Variants in RPS6KA2 observed in about 807,000 individuals in gnomAD.
RPS6KA2 encodes the protein ribosomal protein S6 kinase alpha-2.
A neutral mutation model predicts 91.8 loss-of-function variants in RPS6KA2; 42 were observed. The observed-to-expected ratio is 0.46, with a 90% confidence interval of 0.36 to 0.59. The LOEUF is 0.59. Among genes scored for constraint, RPS6KA2 ranks in the 20% least tolerant of loss-of-function variants. RPS6KA2 has a pLI of 0.00. For synonymous variants in RPS6KA2, 414 were observed against 393.6 expected (o/e 1.05, Z -0.61); for missense variants, 798 against 978.5 (o/e 0.82, Z 2.46).
At chr6:166,725,832 C>T (rs551922524) in intron 2 of RPS6KA2, among the ~76,000 whole-genome samples, 6 of 152,252 alleles carry the variant, frequency 3.9e-5, no homozygotes, top group South Asian at 2.1e-4. Flanking sequence ...AGGCTCCTGG[C>T]GGCGCAGGCC....
intron 2 of RPS6KA2, among the ~76,000 whole-genome samples, chr6:166,754,699 T>C (rs1009564200): frequency 1.3e-4 from 20 of 152,062 alleles, no homozygotes; most frequent in Non-Finnish European, 2.8e-4. Flanking sequence ...CCAGCAAGCC[T>C]CCCCCTGCTC....
At chr6:166,631,291 T>C (rs1582965590), upstream of RPS6KA2, among the ~76,000 whole-genome samples, 1 of 152,194 alleles carries the variant, frequency 6.6e-6, no homozygotes, top group Non-Finnish European at 1.5e-5. Flanking sequence ...GAGAGGCAGG[T>C]GGAAACCCAC....
intron 1 of RPS6KA2, among the ~76,000 whole-genome samples, chr6:166,616,083 G>A (rs970301960): frequency 3.9e-5 from 6 of 152,138 alleles, no homozygotes; most frequent in African/African-American, 1.4e-4. Context: ...GTGCAGGGAC[G>A]CAGCCTCAGT....
chr6:166,442,057 C>T (rs914440922), intron 14 of RPS6KA2, among the ~76,000 whole-genome samples: 8 of 152,346 alleles, frequency 5.3e-5, no homozygotes, highest in African/African-American at 1.9e-4. Flanking sequence ...ACTCATAAGA[C>T]CAGGAGACTC....
chr6:166,854,933 G>A (rs1271238966), intron 2 of RPS6KA2, among the ~76,000 whole-genome samples: 1 of 152,140 alleles, frequency 6.6e-6, no homozygotes, highest in African/African-American at 2.4e-5. Context: ...CATAGCCATG[G>A]AATCAACATA....
intron 1 of RPS6KA2, among the ~76,000 whole-genome samples, chr6:166,551,553 A>C (rs1044138483): frequency 1.3e-5 from 2 of 152,242 alleles, no homozygotes; most frequent in African/African-American, 4.8e-5. Flanking sequence ...ATCATTTAGC[A>C]GTTTCCAAAA....
Position 166,459,499 on chromosome 6 carries a change from G to T in RPS6KA2, c.1025C>A (p.Pro342His), listed in dbSNP as rs1013530441. 1 of 1,614,138 alleles carries T rather than the reference G, an allele frequency of 6.2e-7. No individual in the cohort carries two copies. The highest frequency in any genetic ancestry group is 1.3e-5 in the African/African-American group (1 of 75,036). ...GGGGTCAAAGTGGAAGGTGTCCTCA[G>T]GCCTGCCCACTGCTGGTTTGAACGG... ...KPPFKPAVGRPEDTFHFDPEF... is the reference protein window; with the variant it reads ...KPPFKPAVGRHEDTFHFDPEF... Residue 342 changes from proline to histidine, a missense_variant, in exon 12 of 21, where the codon CCT (proline) becomes CAT (histidine). Transcript: ENST00000265678. This position sits in a 1 kb window ranked among gnomAD's most constrained non-coding sequence, Gnocchi z 4.9.
chr6:166,624,894 C>G (rs893189905), intron 1 of RPS6KA2, among the ~76,000 whole-genome samples: 4 of 151,880 alleles, frequency 2.6e-5, no homozygotes, highest in Non-Finnish European at 5.9e-5. Flanking sequence ...AGTGCAGTGG[C>G]GCAATCTCGG....
intron 2 of RPS6KA2, among the ~76,000 whole-genome samples, chr6:166,803,159 A>C (rs1376765483): frequency 1.3e-5 from 2 of 152,248 alleles, no homozygotes; most frequent in African/African-American, 4.8e-5. Context: ...CTGCACTTTG[A>C]CCAAATACCC....
In RPS6KA2 at chr6:166,691,081, T is replaced by C. The variant is rs1279712135; in HGVS notation, c.124-152297A>G. On this transcript the variant is annotated intron_variant, in intron 2 of 21. Coordinates refer to the RPS6KA2 transcript ENST00000503859. The stretch of plus-strand genomic sequence containing the variant: ...AAAATAGAAAATGAAAAACTGTAGG[T>C]TCTAGAAGATTCAAGCGTTGCCAAC... 2.0e-5 allele frequency among the ~76,000 whole-genome samples: 3 copies of C among 152,248 alleles called. No individual in the cohort carries two copies. In the East Asian group the frequency reaches 5.8e-4, roughly 29 times the overall value.
rs1783386625 is a variant in RPS6KA2, at chr6:166,533,995, G to A, written c.217-2682C>T. ...CCCAGCACTTTGGGAGGCCGAGGCG[G>A]GCGGATCACGAGGTCAGGAGATTGA... On this transcript the variant is annotated intron_variant, in intron 2 of 20. Transcript: ENST00000265678. This position sits in a 1 kb window ranked among gnomAD's most constrained non-coding sequence, Gnocchi z 4.0. 6.6e-6 allele frequency among the ~76,000 whole-genome samples: 1 copy of A among 152,058 alleles called. No individual in the cohort carries two copies.
intron 2 of RPS6KA2, among the ~76,000 whole-genome samples, chr6:166,854,194 G>A (rs9356528): frequency 0.73 from 110,340 of 152,100 alleles, 45,524 homozygotes; most frequent in Non-Finnish European, 0.92. Context: ...CCTCAGCAAT[G>A]GTGAATAAAG....
chr6:166,482,380 G>C (rs759689238), intron 10 of RPS6KA2, among the ~76,000 whole-genome samples: 1 of 152,180 alleles, frequency 6.6e-6, no homozygotes, highest in Non-Finnish European at 1.5e-5. Context: ...TCCAAATCTG[G>C]GCCCTCGGTG....
At chr6:166,512,394 G>A (rs1782503022) in intron 3 of RPS6KA2, among the ~76,000 whole-genome samples, 1 of 152,202 alleles carries the variant, frequency 6.6e-6, no homozygotes, top group African/African-American at 2.4e-5. Flanking sequence ...GGACAACATT[G>A]TGAATGTATT....
At chr6:166,547,700 C>T (rs1416925755) in intron 1 of RPS6KA2, among the ~76,000 whole-genome samples, 1 of 152,210 alleles carries the variant, frequency 6.6e-6, no homozygotes, top group Non-Finnish European at 1.5e-5. Context: ...GTAATTGTGC[C>T]TTATATGGAA....
At chr6:166,489,600 G>A (rs1428258113) in intron 9 of RPS6KA2, among the ~76,000 whole-genome samples, 3 of 152,142 alleles carry the variant, frequency 2.0e-5, no homozygotes, top group Non-Finnish European at 4.4e-5. Flanking sequence ...CAAAAGTAAA[G>A]AACATGTCCT....
At chr6:166,647,909 CAT>C (rs1177846967) in intron 2 of RPS6KA2, among the ~76,000 whole-genome samples, 17 of 150,444 alleles carry the variant, frequency 1.1e-4, no homozygotes, top group Non-Finnish European at 2.1e-4. Context: ...TGCTCACACA[CAT>C]GCACATGCTC....
intron 10 of RPS6KA2, among the ~76,000 whole-genome samples, chr6:166,473,916 T>C (rs1780861898): frequency 6.6e-6 from 1 of 151,638 alleles, no homozygotes; most frequent in Non-Finnish European, 1.5e-5. Context: ...ACTTAAAGGT[T>C]ATCTACACAT....
At chr6:166,721,186 T>A (rs1790162183) in intron 2 of RPS6KA2, among the ~76,000 whole-genome samples, 1 of 152,136 alleles carries the variant, frequency 6.6e-6, no homozygotes, top group African/African-American at 2.4e-5. Flanking sequence ...TCAAAACATC[T>A]ATGGATAAGG....
Sources: gnomAD v4.1 joint callset for allele counts (sites outside exome capture counted in the v4.1 genomes callset) on GRCh38, gnomAD v4.1.1 for gene constraint, Gnocchi (gnomAD v3.1) non-coding constraint, MANE v1.5 for transcripts, NCBI Gene and HGNC (gene_info 2026-07-23, HGNC 2026-07-21) for gene names.